Variants in RBM41 observed in about 807,000 individuals in gnomAD.
RBM41 encodes RNA-binding protein 41.
RBM41 carries 14 observed loss-of-function variants against 30.8 expected under a neutral mutation model. The ratio of observed to expected loss-of-function variants is 0.45; its 90% CI spans 0.30 to 0.71. RBM41 has a LOEUF of 0.71. Among genes scored for constraint, RBM41 ranks in the 30% least tolerant of loss-of-function variants. RBM41 has a pLI of 0.08. For missense variants in RBM41, 276 were observed against 326.3 expected (o/e 0.85, Z 1.19); for synonymous variants, 120 against 110.1 (o/e 1.09, Z -0.56).
intron 5 of RBM41, among the ~76,000 whole-genome samples, chrX:107,109,357 C>T: frequency 9.0e-6 from 1 of 111,672 alleles, no homozygotes; most frequent in Non-Finnish European, 1.9e-5. Context: ...AAACTATTTG[C>T]TGTCATGAGA....
chrX:107,100,554 G>T (rs550667832), intron 5 of RBM41, among the ~76,000 whole-genome samples: 8 of 110,104 alleles, frequency 7.3e-5, no homozygotes, highest in African/African-American at 2.6e-4. Context: ...AGGGAAAAAA[G>T]CACAACAAAA....
chrX:107,075,227 C>G (rs4494037), intron 6 of RBM41, among the ~76,000 whole-genome samples: 1 of 110,752 alleles, frequency 9.0e-6, no homozygotes, highest in East Asian at 2.9e-4. Flanking sequence ...GAAATTGGAC[C>G]CTTATCTTAC....
At position 107,066,582 on chromosome X, in the gene RBM41, A is replaced by C. The variant is rs1935847546; in HGVS notation, c.*945T>G. On this transcript the variant is annotated 3_prime_UTR_variant, in exon 8 of 8. Transcript: ENST00000685964. Reference sequence around the variant, plus strand: ...ATTATCCTCACTTTATAGATGAAAAATGTGAGGCTCAGATTAAGTGACTTG... The same window carrying C: ...ATTATCCTCACTTTATAGATGAAAACTGTGAGGCTCAGATTAAGTGACTTG... 4 of 339,723 alleles carry C rather than the reference A, an allele frequency of 1.2e-5. No homozygotes were observed. Among genetic ancestry groups the C allele is most frequent in the Non-Finnish European group, 1.5e-5 (4 of 261,530 alleles). The allele number at this position is 339,723 out of a possible 1,213,427, so 28.0% of individuals were successfully genotyped here.
intron 6 of RBM41, among the ~76,000 whole-genome samples, chrX:107,073,703 G>T (rs187952236): frequency 8.9e-6 from 1 of 112,043 alleles, no homozygotes; most frequent in Admixed American, 9.5e-5. Flanking sequence ...ATTTATTGCA[G>T]CACTATTCAC....
chrX:107,113,444 T>C lies in RBM41; in HGVS notation c.548A>G (p.Asp183Gly), dbSNP rs769434365. The C allele has an allele frequency of 1.0e-6, 1 of 981,111 alleles. No homozygotes were observed. Among genetic ancestry groups the C allele is most frequent in the South Asian group, 2.0e-5 (1 of 50,323 alleles). The allele number at this position is 981,111 out of a possible 1,213,427, so 80.9% of individuals were successfully genotyped here. A position where few individuals can be genotyped will look rare whatever the true frequency, so the allele number is the denominator to read the frequency against. The change falls in exon 5 of 8, where the codon GAC becomes GGC. Residue 183 changes from aspartate to glycine, a missense_variant. By Grantham distance (94) the Asp-to-Gly change is moderately conservative (BLOSUM62 -1). Transcript: ENST00000685964. ...CCTCTTCATTGAGGTCATGTACTTG[T>C]CTGCACTTGTCTTTTTGTGGTATGC... ...YQAYHKKTSA[D>G]KYMTSMKRKI... is the part of the protein sequence containing the mutation.
chrX:107,060,263 AAAG>A (rs1310916048), downstream of RBM41, among the ~76,000 whole-genome samples: 1 of 110,794 alleles, frequency 9.0e-6, no homozygotes, highest in Non-Finnish European at 1.9e-5. Context: ...GAAAAAAAAA[AAAG>A]AAAATCACTG....
In RBM41 at chrX:107,090,402, A is replaced by C. The variant is rs767100405; in HGVS notation, c.596-1563T>G. On this transcript the variant is annotated intron_variant, in intron 5 of 7. Transcript: ENST00000685964. ...ACAAAAAAAATGTCCAATGGTGACC[A>C]ATGGTTATTTTTAGTATAATAATGA... Among the ~76,000 whole-genome samples, 30 of 111,915 alleles carry C rather than the reference A, an allele frequency of 2.7e-4. No homozygotes were observed. The South Asian group carries it at 0.011, about 42-fold the overall frequency.
At chrX:107,055,866 T>A in the RBM41 span, among the ~76,000 whole-genome samples, 1 of 112,303 alleles carries the variant, frequency 8.9e-6, no homozygotes, top group Non-Finnish European at 1.9e-5. Context: ...ACTAGTCAAA[T>A]CTAAGAACAC....
intron 5 of RBM41, among the ~76,000 whole-genome samples, chrX:107,103,497 A>G (rs1923643663): frequency 1.8e-5 from 2 of 111,120 alleles, no homozygotes; most frequent in African/African-American, 3.3e-5. Flanking sequence ...CAGAGAGAGC[A>G]TGGCCCTGCT....
rs1935820232 is a variant in RBM41, at chrX:107,065,890, A to C, written c.*1637T>G. On this transcript the variant is annotated 3_prime_UTR_variant, in exon 8 of 8. Coordinates refer to ENST00000685964, the MANE Select transcript of RBM41 (RefSeq NM_001324242.2). ...AAAAATGCATAGATTGTTTCTGATA[A>C]TTACATAATTATTTTTGCCTGTGCT... 1 of 616,683 alleles carries C rather than the reference A, an allele frequency of 1.6e-6. No homozygotes were observed. The highest frequency in any genetic ancestry group is 4.6e-5 in the East Asian group (1 of 21,667). The allele number at this position is 616,683 out of a possible 1,213,427, so 50.8% of individuals were successfully genotyped here.
intron 5 of RBM41, among the ~76,000 whole-genome samples, chrX:107,093,984 C>T (rs185145103): frequency 1.6e-3 from 173 of 111,164 alleles, no homozygotes; most frequent in Admixed American, 3.3e-3. Context: ...ATTAGGAAAC[C>T]TAGATAAATG....
chrX:107,074,075 T>C (rs1399864909), intron 6 of RBM41, among the ~76,000 whole-genome samples: 1 of 110,237 alleles, frequency 9.1e-6, no homozygotes, highest in African/African-American at 3.4e-5. Context: ...ATGGTTATAG[T>C]TAACAATAAT....
chrX:107,070,834 C>A (rs779915421), intron 6 of RBM41, among the ~76,000 whole-genome samples: 1 of 110,039 alleles, frequency 9.1e-6, no homozygotes, highest in African/African-American at 3.3e-5. Flanking sequence ...TCAGTCTGGG[C>A]AACACAGTGA....
chrX:107,098,756 T>C (rs1317766101), intron 5 of RBM41, among the ~76,000 whole-genome samples: 1 of 111,483 alleles, frequency 9.0e-6, no homozygotes, highest in Non-Finnish European at 1.9e-5. Flanking sequence ...ATCCCAGCAC[T>C]TTGGGAGGCC....
downstream of RBM41, among the ~76,000 whole-genome samples, chrX:107,059,119 G>A (rs1301232593): frequency 9.0e-6 from 1 of 111,481 alleles, no homozygotes; most frequent in Admixed American, 9.5e-5. Context: ...AAGTAGTAAT[G>A]ATACATATGT....
intron 5 of RBM41, among the ~76,000 whole-genome samples, chrX:107,111,393 G>A (rs1924458823): frequency 9.0e-6 from 1 of 110,962 alleles, no homozygotes; most frequent in South Asian, 3.8e-4. Flanking sequence ...AATAGTAAGT[G>A]TTGCCAAGGG....
At position 107,066,979 on chromosome X, in the gene RBM41, G is replaced by A. The variant is rs1420452963; in HGVS notation, c.*548C>T. ...TTTTGAAGACTGATAACTTGTGGAGGAAGCATTCATTAAATAAGTCAACTG... is the reference window on the plus strand; with the variant it reads ...TTTTGAAGACTGATAACTTGTGGAGAAAGCATTCATTAAATAAGTCAACTG... On this transcript the variant is annotated 3_prime_UTR_variant, in exon 8 of 8. Coordinates refer to ENST00000685964, the MANE Select transcript of RBM41 (RefSeq NM_001324242.2). 1 of 745,058 alleles carries A rather than the reference G, an allele frequency of 1.3e-6. No individual in the cohort carries two copies. Among genetic ancestry groups the A allele is most frequent in the African/African-American group, 2.3e-5 (1 of 42,854 alleles). 61.4% of individuals were successfully genotyped at this position (745,058 alleles called of 1,213,427 possible). A position where few individuals can be genotyped will look rare whatever the true frequency, so the allele number is the denominator to read the frequency against.
chrX:107,082,592 C>T (rs926973712), intron 6 of RBM41, among the ~76,000 whole-genome samples: 1 of 111,085 alleles, frequency 9.0e-6, no homozygotes, highest in Non-Finnish European at 1.9e-5. Flanking sequence ...CCCTCTGCTT[C>T]CGTTTTCTGA....
At position 107,065,793 on chromosome X, in the gene RBM41, A is replaced by G. The variant is rs1935816995; in HGVS notation, c.*1734T>C. On this transcript the variant is annotated 3_prime_UTR_variant, in exon 8 of 8. Transcript: ENST00000685964. ...GCAAATATATTATATTTTATACGTT[A>G]TAGGCCAAACGATGCAACTATATAC... is the stretch of plus-strand genomic sequence containing the variant. 8.8e-7 allele frequency: 1 copy of G among 1,133,714 alleles called. No homozygotes were observed. Among genetic ancestry groups the G allele is most frequent in the Non-Finnish European group, 1.2e-6 (1 of 856,384 alleles). 93.4% of individuals were successfully genotyped at this position (1,133,714 alleles called of 1,213,427 possible).
Sources: allele counts gnomAD v4.1 joint callset (sites outside exome capture counted in the v4.1 genomes callset), GRCh38; gene constraint gnomAD v4.1.1; transcripts MANE v1.5; gene names NCBI Gene and HGNC (gene_info 2026-07-23, HGNC 2026-07-21).